DDIT4: variants seen among roughly 807,000 people sequenced by gnomAD.
DDIT4 encodes the protein DNA damage inducible transcript 4, also known as DNA damage-inducible transcript 4 protein.
In DDIT4, 20 loss-of-function variants were observed where a neutral mutation model predicts 20.2. That is an observed-to-expected ratio of 0.99 (90% CI 0.70 to 1.44). The LOEUF is 1.44. Among genes scored for constraint, DDIT4 ranks in the 40% most tolerant of loss-of-function variants. The pLI, the probability that DDIT4 is intolerant of heterozygous loss-of-function variation, is 0.00. For synonymous variants in DDIT4, 152 were observed against 144.6 expected, an observed-to-expected ratio of 1.05 and a Z score of -0.37; for missense variants, 316 against 298.1, an observed-to-expected ratio of 1.06 and a Z score of -0.44.
At chr10:72,274,113 G>C (rs994867133) in intron 1 of DDIT4, 44 bp from the exon 2 acceptor site, 27 of 917,182 alleles carry the variant, frequency 2.9e-5, no homozygotes, top group Non-Finnish European at 4.1e-5. Flanking sequence ...GGTCTGGTCT[G>C]GTCCCCAGAC....
Position 72,275,242 on chromosome 10 carries a change from T to C in DDIT4, c.*54T>C. On this transcript the variant is annotated 3_prime_UTR_variant, in exon 3 of 3. Transcript: ENST00000307365. ...CTCCAAGACAGAGACGACTGAACTT[T>C]TGGGGTGGAGACTAGAGGCAGGAGC... is the stretch of plus-strand genomic sequence containing the variant. The C allele has an allele frequency of 6.5e-7, 1 of 1,543,704 alleles. No individual in the cohort carries two copies.
rs1006014469 is a variant in DDIT4 at position 72,275,459 on chromosome 10, A to G, written c.*271A>G. 1.2e-5 allele frequency: 5 copies of G among 410,944 alleles called. No individual in the cohort carries two copies. Among genetic ancestry groups the G allele is most frequent in the Non-Finnish European group, 2.2e-5 (5 of 226,882 alleles). 25.5% of individuals were successfully genotyped at this position (410,944 alleles called of 1,614,324 possible). On this transcript the variant is annotated 3_prime_UTR_variant, in exon 3 of 3. Coordinates refer to ENST00000307365, the MANE Select transcript of DDIT4 (RefSeq NM_019058.4). Reference sequence around the variant, plus strand: ...GCTTCCAGCTGGATGTGTGTGTAGCATGTACCTTATTATTTTTGTTACTGA... The same window carrying G: ...GCTTCCAGCTGGATGTGTGTGTAGCGTGTACCTTATTATTTTTGTTACTGA...
At chr10:72,274,100 T>C in intron 1 of DDIT4, 40 bp downstream of exon 1, 1 of 780,422 alleles carries the variant, frequency 1.3e-6, no homozygotes, top group East Asian at 2.4e-5. Flanking sequence ...GAGCTCGCGG[T>C]CTGGTCTGGT....
Position 72,274,307 on chromosome 10 carries a change from C to G in DDIT4, c.91C>G (p.Arg31Gly). The change falls in exon 2 of 3, where the codon CGC (arginine) becomes GGC (glycine). Residue 31 changes from arginine to glycine, a missense_variant. Coordinates refer to ENST00000307365, the MANE Select transcript of DDIT4 (RefSeq NM_019058.4). ...PRTPTPDRPP[R>G]SAWGSATREE... ...AACTCCCACCCCAGATCGGCCGCCG[C>G]GCTCAGCCTGGGGGTCGGCGACCCG... The G allele has an allele frequency of 6.2e-7, 1 of 1,613,168 alleles. No homozygotes were observed. Among genetic ancestry groups the G allele is most frequent in the Non-Finnish European group, 8.5e-7 (1 of 1,179,970 alleles).
Position 72,274,432 on chromosome 10 carries a change from G to T in DDIT4, c.205+11G>T. ...TCGGGCCGGAGGAAGGTGAGCGGTGGGCGGGTGCCGACGCGACTCGAGGGG... is the reference window on the plus strand; with the variant it reads ...TCGGGCCGGAGGAAGGTGAGCGGTGTGCGGGTGCCGACGCGACTCGAGGGG... On this transcript the variant is annotated intron_variant, in intron 2 of 2. Transcript: ENST00000307365. The T allele has an allele frequency of 6.5e-7, 1 of 1,544,056 alleles. No homozygotes were observed. The highest frequency in any genetic ancestry group is 8.7e-7 in the Non-Finnish European group (1 of 1,149,144).
rs145882456 is a variant in DDIT4 at position 72,275,221 on chromosome 10, A to G, written c.*33A>G. On this transcript the variant is annotated 3_prime_UTR_variant, in exon 3 of 3. Coordinates refer to ENST00000307365, the MANE Select transcript of DDIT4 (RefSeq NM_019058.4). ...CCTGAGGGGGCCGACAGTGCCCTCC[A>G]AGACAGAGACGACTGAACTTTTGGG... 293 of 1,573,024 alleles carry G rather than the reference A, an allele frequency of 1.9e-4. 2 individuals carry two copies. In the African/African-American group the frequency reaches 3.3e-3, roughly 18 times the overall value.
At position 72,274,322 on chromosome 10, in the gene DDIT4, T is replaced by A; in HGVS notation, c.106T>A (p.Ser36Thr). Residue 36 changes from serine to threonine, a missense_variant, in exon 2 of 3, where the codon TCG becomes ACG. Ser to Thr is a moderately conservative substitution (Grantham distance 58). Coordinates refer to ENST00000307365, the MANE Select transcript of DDIT4 (RefSeq NM_019058.4). Reference protein sequence around the residue: ...PDRPPRSAWGSATREEGFDRS... With the variant: ...PDRPPRSAWGTATREEGFDRS... ...TCGGCCGCCGCGCTCAGCCTGGGGG[T>A]CGGCGACCCGGGAGGAGGGGTTTGA... 1.2e-6 allele frequency: 2 copies of A among 1,612,174 alleles called. No individual in the cohort carries two copies. The highest frequency in any genetic ancestry group is 1.7e-6 in the Non-Finnish European group (2 of 1,179,860).
In DDIT4 at chr10:72,275,967, C is replaced by T. The variant is rs1860825827; in HGVS notation, c.*779C>T. On this transcript the variant is annotated 3_prime_UTR_variant, in exon 3 of 3. Coordinates refer to ENST00000307365, the MANE Select transcript of DDIT4 (RefSeq NM_019058.4). ...ATAAGATACTCACTGTTCATGAATA[C>T]ACTTGATGTTCAAGTATTAAGACCT... 1 of 152,676 alleles carries T rather than the reference C, an allele frequency of 6.5e-6. No individual in the cohort carries two copies. Among genetic ancestry groups the T allele is most frequent in the Non-Finnish European group, 1.5e-5 (1 of 68,048 alleles). The allele number at this position is 152,676 out of a possible 1,614,324, so 9.5% of individuals were successfully genotyped here.
Position 72,275,012 on chromosome 10 carries a change from C to T in DDIT4, c.523C>T (p.Leu175=). ...LDPSLVPTFQ[L]TLVLRLDSRL... The stretch of plus-strand genomic sequence containing the variant: ...CCCCAGCCTGGTGCCCACCTTCCAG[C>T]TGACCCTCGTGCTGCGCCTGGACTC... The change falls in exon 3 of 3, where the codon CTG becomes TTG. Residue 175 remains leucine, a synonymous_variant. Coordinates refer to ENST00000307365, the MANE Select transcript of DDIT4 (RefSeq NM_019058.4). 2 of 1,613,472 alleles carry T rather than the reference C, an allele frequency of 1.2e-6. No individual in the cohort carries two copies. Among genetic ancestry groups the T allele is most frequent in the East Asian group, 2.2e-5 (1 of 44,870 alleles).
At chr10:72,274,449 C>T (rs749246258) in intron 2 of DDIT4, 28 bp downstream of exon 2, 2 of 1,525,598 alleles carry the variant, frequency 1.3e-6, no homozygotes, top group East Asian at 2.3e-5. Context: ...GCCGACGCGA[C>T]TCGAGGGGCC....
chr10:72,275,061 G>A lies in DDIT4; in HGVS notation c.572G>A (p.Gly191Glu). 1 of 1,613,578 alleles carries A rather than the reference G, an allele frequency of 6.2e-7. No individual in the cohort carries two copies. Among genetic ancestry groups the A allele is most frequent in the Non-Finnish European group, 8.5e-7 (1 of 1,179,990 alleles). Residue 191 changes from glycine (G) to glutamate (E), a missense_variant, in exon 3 of 3, where the codon GGG becomes GAG. Coordinates refer to ENST00000307365, the MANE Select transcript of DDIT4 (RefSeq NM_019058.4). ...TCACGACTCTGGCCCAAGATCCAGG[G>A]GCTGTTTAGCTCCGCCAACTCTCCC... ...LDSRLWPKIQ[G>E]LFSSANSPFL... is the part of the protein sequence containing the mutation.
Position 72,274,404 on chromosome 10 carries a change from G to A in DDIT4, c.188G>A (p.Gly63Asp). 1 of 1,576,012 alleles carries A rather than the reference G, an allele frequency of 6.3e-7. No individual in the cohort carries two copies. The change falls in exon 2 of 3, where the codon GGC (glycine) becomes GAC (aspartate). Residue 63 changes from glycine (G) to aspartate (D), a missense_variant. Transcript: ENST00000307365. The stretch of plus-strand genomic sequence containing the variant: ...GAGTCCCTGGACAGCAGCAACAGTG[G>A]CTTCGGGCCGGAGGAAGGTGAGCGG... Reference protein sequence around the residue: ...DCESLDSSNSGFGPEEDTAYL... With the variant: ...DCESLDSSNSDFGPEEDTAYL...
At position 72,275,167 on chromosome 10, in the gene DDIT4, G is replaced by T; in HGVS notation, c.678G>T (p.Gln226His). 6.2e-7 allele frequency: 1 copy of T among 1,611,204 alleles called. No individual in the cohort carries two copies. The highest frequency in any genetic ancestry group is 8.5e-7 in the Non-Finnish European group (1 of 1,179,928). Residue 226 changes from glutamine to histidine, a missense_variant, in exon 3 of 3, where the codon CAG (glutamine) becomes CAT (histidine). Physicochemically the swap from Gln to His is conservative, Grantham distance 24 (BLOSUM62 0). Transcript: ENST00000307365. ...AGAAGAAGCTGTACAGCTCGGAACA[G>T]CTGCTCATTGAGGAGTGTTGAACTT... Reference protein sequence around the residue: ...VIKKKLYSSEQLLIEEC With the variant: ...VIKKKLYSSEHLLIEEC
In DDIT4 at chr10:72,274,054, C is replaced by A. The variant is rs1181231117; in HGVS notation, c.-67C>A. ...GTCTTAGCAGTTCTCGCTGACCGCG[C>A]TAGCTGGTGAGTGTCCCTTCTGTGT... On this transcript the variant is annotated 5_prime_UTR_variant, in exon 1 of 3. Transcript: ENST00000307365. The A allele has an allele frequency of 1.5e-6, 1 of 654,374 alleles. No individual in the cohort carries two copies. The highest frequency in any genetic ancestry group is 2.5e-5 in the Admixed American group (1 of 40,198). 40.5% of individuals were successfully genotyped at this position (654,374 alleles called of 1,614,324 possible). A position where few individuals can be genotyped will look rare whatever the true frequency, so the allele number is the denominator to read the frequency against.
Position 72,273,998 on chromosome 10 carries a change from C to G in DDIT4, c.-123C>G. Reference sequence around the variant, plus strand: ...CGGCTCTCGGTGGTTGGCACGGGTTCGCACACCCATTCAAGCGGCAGGACG... The same window carrying G: ...CGGCTCTCGGTGGTTGGCACGGGTTGGCACACCCATTCAAGCGGCAGGACG... On this transcript the variant is annotated 5_prime_UTR_variant, in exon 1 of 3. Transcript: ENST00000307365. 1 of 488,768 alleles carries G rather than the reference C, an allele frequency of 2.0e-6. No individual in the cohort carries two copies. Among genetic ancestry groups the G allele is most frequent in the Non-Finnish European group, 3.7e-6 (1 of 273,198 alleles). 30.3% of individuals were successfully genotyped at this position (488,768 alleles called of 1,614,324 possible). A position where few individuals can be genotyped will look rare whatever the true frequency, so the allele number is the denominator to read the frequency against.
Position 72,274,150 on chromosome 10 carries a change from CT to C in DDIT4, c.-60-5del. The C allele has an allele frequency of 7.5e-7, 1 of 1,328,978 alleles. No homozygotes were observed. The highest frequency in any genetic ancestry group is 1.1e-6 in the Non-Finnish European group (1 of 925,042). 82.3% of individuals were successfully genotyped at this position (1,328,978 alleles called of 1,614,324 possible). On this transcript the variant is annotated splice_region_variant and splice_polypyrimidine_tract_variant and intron_variant, in intron 1 of 2. Coordinates refer to ENST00000307365, the MANE Select transcript of DDIT4 (RefSeq NM_019058.4). ...GACGCCTGGTCGGTCCCCCTCTTGT[CT>C]TACAGCGGCTTCTACGCTCCGGCAC...
At chr10:72,274,612 C>G in intron 2 of DDIT4, 83 bp from the exon 3 acceptor site, 1 of 1,503,844 alleles carries the variant, frequency 6.6e-7, no homozygotes, top group Non-Finnish European at 8.9e-7. Flanking sequence ...GCGTTGGTTT[C>G]TTAAGGAAAC....
rs1359502892 is a variant in DDIT4, at chr10:72,275,256, A to G, written c.*68A>G. The G allele has an allele frequency of 1.5e-5, 22 of 1,513,086 alleles. No homozygotes were observed. Among genetic ancestry groups the G allele is most frequent in the Admixed American group, 2.0e-5 (1 of 49,452 alleles). The allele number at this position is 1,513,086 out of a possible 1,614,324, so 93.7% of individuals were successfully genotyped here. ...CGACTGAACTTTTGGGGTGGAGACT[A>G]GAGGCAGGAGCTGAGGGACTGATTC... On this transcript the variant is annotated 3_prime_UTR_variant, in exon 3 of 3. Coordinates refer to ENST00000307365, the MANE Select transcript of DDIT4 (RefSeq NM_019058.4).
Position 72,274,408 on chromosome 10 carries a change from C to A in DDIT4, c.192C>A (p.Phe64Leu). The A allele has an allele frequency of 6.4e-7, 1 of 1,573,032 alleles. No homozygotes were observed. Residue 64 changes from phenylalanine to leucine, a missense_variant, in exon 2 of 3, where the codon TTC becomes TTA. Coordinates refer to ENST00000307365, the MANE Select transcript of DDIT4 (RefSeq NM_019058.4). ...CESLDSSNSG[F>L]GPEEDTAYLD... is the part of the protein sequence containing the mutation. ...CCCTGGACAGCAGCAACAGTGGCTTCGGGCCGGAGGAAGGTGAGCGGTGGG... is the reference window on the plus strand; with the variant it reads ...CCCTGGACAGCAGCAACAGTGGCTTAGGGCCGGAGGAAGGTGAGCGGTGGG...
Sources: allele counts gnomAD v4.1 joint callset, GRCh38; gene constraint gnomAD v4.1.1; transcripts MANE v1.5; gene names NCBI Gene and HGNC (gene_info 2026-07-23, HGNC 2026-07-21).